CFH: variants seen among roughly 807,000 people sequenced by gnomAD.
CFH encodes H factor 1 (complement).
In CFH, 53 loss-of-function variants were observed where a neutral mutation model predicts 147.3. The ratio of observed to expected loss-of-function variants is 0.36; its 90% CI spans 0.29 to 0.45. The LOEUF is 0.45. CFH is among the 20% of genes least tolerant of loss of function. The pLI is 1.00. For missense variants in CFH, 1,380 were observed against 1,498.0 expected, an observed-to-expected ratio of 0.92 and a Z score of 1.30; for synonymous variants, 536 against 489.4, an observed-to-expected ratio of 1.10 and a Z score of -1.26.
rs1406925700 is a variant in CFH, at chr1:196,692,716, CTTTCT to C, written c.1336+2480_1336+2484del. Among the ~76,000 whole-genome samples, 75 of 115,138 alleles carry C rather than the reference CTTTCT, an allele frequency of 6.5e-4. 7 individuals carry two copies. Among genetic ancestry groups the C allele is most frequent in the African/African-American group, 2.6e-3 (71 of 27,146 alleles). 75.5% of individuals were successfully genotyped at this position (115,138 alleles called of 152,430 possible). On this transcript the variant is annotated intron_variant, in intron 9 of 21. Coordinates refer to ENST00000367429, the MANE Select transcript of CFH (RefSeq NM_000186.4). ...TCTTTCCCTTCCTTTCTTTTTCTTT[CTTTCT>C]TTCTTTCTCTTTCCCTTCCTTTCTT...
rs756698602 is a variant in CFH, at chr1:196,652,069, C to G, written c.-49C>G. The G allele has an allele frequency of 3.1e-6, 4 of 1,275,494 alleles. No homozygotes were observed. The highest frequency in any genetic ancestry group is 4.6e-6 in the Non-Finnish European group (4 of 871,738). The allele number at this position is 1,275,494 out of a possible 1,614,324, so 79.0% of individuals were successfully genotyped here. A position where few individuals can be genotyped will look rare whatever the true frequency, so the allele number is the denominator to read the frequency against. ...CAATTCTTGGAAGAGGAGAACTGGA[C>G]GTTGTGAACAGAGTTAGCTGGTAAA... is the stretch of plus-strand genomic sequence containing the variant. On this transcript the variant is annotated 5_prime_UTR_variant, in exon 1 of 22. Coordinates refer to ENST00000367429, the MANE Select transcript of CFH (RefSeq NM_000186.4).
Position 196,673,119 on chromosome 1 carries a change from G to C in CFH, c.200G>C (p.Arg67Thr). The change falls in exon 2 of 22, where the codon AGG (arginine) becomes ACG (threonine). Residue 67 changes from arginine to threonine, a missense_variant. Coordinates refer to ENST00000367429, the MANE Select transcript of CFH (RefSeq NM_000186.4). The stretch of plus-strand genomic sequence containing the variant: ...CTTGGAAATGTAATAATGGTATGCA[G>C]GAAGGGAGAATGGGTTGCTCTTAAT... ...RSLGNVIMVC[R>T]KGEWVALNPL... The C allele has an allele frequency of 1.9e-6, 3 of 1,613,852 alleles. No individual in the cohort carries two copies. The highest frequency in any genetic ancestry group is 2.5e-6 in the Non-Finnish European group (3 of 1,179,846).
intron 1 of CFH, among the ~76,000 whole-genome samples, chr1:196,657,217 T>C (rs1335612412): frequency 6.6e-6 from 1 of 152,202 alleles, no homozygotes; most frequent in African/African-American, 2.4e-5. Context: ...AGAGTTTGTT[T>C]CTTTAAACAA....
At chr1:196,655,578 A>G (rs533448512) in intron 1 of CFH, among the ~76,000 whole-genome samples, 18 of 152,288 alleles carry the variant, frequency 1.2e-4, no homozygotes, top group Admixed American at 2.0e-4. Flanking sequence ...GCCAGTCTAC[A>G]TTGACCCACT....
At chr1:196,688,082 T>G in intron 7 of CFH, among the ~76,000 whole-genome samples, 2 of 151,898 alleles carry the variant, frequency 1.3e-5, no homozygotes, top group Non-Finnish European at 2.9e-5. Flanking sequence ...TGTGTGTGTG[T>G]GTATGTGTGT....
Position 196,720,195 on chromosome 1 carries a change from C to T in CFH, c.1696+4426C>T, listed in dbSNP as rs572147281. On this transcript the variant is annotated intron_variant, in intron 11 of 21. Coordinates refer to ENST00000367429, the MANE Select transcript of CFH (RefSeq NM_000186.4). ...ACAGATATTATACCATCATTATTCT[C>T]GGGATCCTCCCCAGTTCTATTATAA... 2.5e-4 allele frequency among the ~76,000 whole-genome samples: 38 copies of T among 151,996 alleles called. No homozygotes were observed. In the South Asian group the frequency reaches 5.8e-3, roughly 23 times the overall value.
chr1:196,680,982 C>A (rs1667631370), intron 6 of CFH, among the ~76,000 whole-genome samples: 1 of 151,794 alleles, frequency 6.6e-6, no homozygotes, highest in African/African-American at 2.4e-5. Flanking sequence ...CACATCAGAT[C>A]CATGTTTGGC....
chr1:196,710,672 C>T (rs1352530435), intron 9 of CFH, among the ~76,000 whole-genome samples: 1 of 152,146 alleles, frequency 6.6e-6, no homozygotes, highest in African/African-American at 2.4e-5. Flanking sequence ...AACTGGGACA[C>T]ATTCACAGAT....
chr1:196,676,871 AT>A (rs1183779372), intron 4 of CFH: 1 of 152,364 alleles, frequency 6.6e-6, no homozygotes, highest in East Asian at 1.9e-4. Context: ...TTACTAAAAA[AT>A]GACCTACTGA....
chr1:196,719,498 T>C (rs900316764), intron 11 of CFH, among the ~76,000 whole-genome samples: 3 of 151,934 alleles, frequency 2.0e-5, no homozygotes, highest in African/African-American at 4.8e-5. Context: ...GTAGTTATTA[T>C]TTTGTGACAT....
At chr1:196,653,817 A>G (rs1272499263) in intron 1 of CFH, among the ~76,000 whole-genome samples, 1 of 152,094 alleles carries the variant, frequency 6.6e-6, no homozygotes, top group East Asian at 1.9e-4. Context: ...GGCACTATAT[A>G]TGTTATGGTG....
chr1:196,693,791 C>T (rs1387701059), intron 9 of CFH, among the ~76,000 whole-genome samples: 1 of 152,082 alleles, frequency 6.6e-6, no homozygotes, highest in African/African-American at 2.4e-5. Context: ...TCCATTATAT[C>T]ATGTATCACG....
intron 21 of CFH, among the ~76,000 whole-genome samples, 187 bp downstream of exon 21, chr1:196,746,186 C>T (rs1652997972): frequency 1.3e-5 from 2 of 152,160 alleles, no homozygotes; most frequent in Admixed American, 1.3e-4. Flanking sequence ...TGGCTCACAC[C>T]TGTAATCCCA....
chr1:196,681,723 A>G (rs1217216742), intron 6 of CFH, among the ~76,000 whole-genome samples: 1 of 151,834 alleles, frequency 6.6e-6, no homozygotes, highest in East Asian at 1.9e-4. Context: ...AAATTAGTTA[A>G]GCATACACTC....
intron 1 of CFH, among the ~76,000 whole-genome samples, chr1:196,670,326 G>A (rs955574675): frequency 3.9e-5 from 6 of 152,118 alleles, no homozygotes; most frequent in Non-Finnish European, 8.8e-5. Flanking sequence ...GTGAGGACAT[G>A]AGATTTGGGA....
At chr1:196,692,546 CTTT>C (rs766660106) in intron 9 of CFH, among the ~76,000 whole-genome samples, 1 of 133,990 alleles carries the variant, frequency 7.5e-6, no homozygotes, top group Non-Finnish European at 1.6e-5. Flanking sequence ...CTTTCTTTTT[CTTT>C]TTCTTTCTTT....
chr1:196,686,857 G>T (rs936785152), intron 7 of CFH, among the ~76,000 whole-genome samples: 7 of 152,038 alleles, frequency 4.6e-5, no homozygotes, highest in Non-Finnish European at 8.8e-5. Flanking sequence ...GAGTTATATG[G>T]TTTATCAGTT....
chr1:196,663,439 GTTA>G (rs1044501930), intron 1 of CFH, among the ~76,000 whole-genome samples: 3 of 151,980 alleles, frequency 2.0e-5, no homozygotes, highest in African/African-American at 4.8e-5. Context: ...CTACTACTTT[GTTA>G]TAATTTCTTT....
intron 11 of CFH, among the ~76,000 whole-genome samples, chr1:196,718,254 T>G (rs1284173666): frequency 6.6e-6 from 1 of 151,934 alleles, no homozygotes; most frequent in Non-Finnish European, 1.5e-5. Flanking sequence ...ATCCAAGTAA[T>G]AAAAATATTT....
Sources: allele counts gnomAD v4.1 joint callset (sites outside exome capture counted in the v4.1 genomes callset), GRCh38; gene constraint gnomAD v4.1.1; transcripts MANE v1.5; gene names NCBI Gene and HGNC (gene_info 2026-07-23, HGNC 2026-07-21).